Variants in BRINP1 observed in about 807,000 individuals in gnomAD.
The protein encoded by BRINP1 is BMP/retinoic acid-inducible neural-specific protein 1.
In BRINP1, 17 loss-of-function variants were observed where a neutral mutation model predicts 72.9. The ratio of observed to expected loss-of-function variants is 0.23; its 90% confidence interval spans 0.16 to 0.35. BRINP1 has a LOEUF of 0.35. Ranked by LOEUF, BRINP1 falls within the 10% of genes least tolerant of loss-of-function variation. The pLI is 1.00. For synonymous variants in BRINP1, 418 were observed against 378.5 expected, an observed-to-expected ratio of 1.10 and a Z score of -1.21; for missense variants, 850 against 1,001.6, an observed-to-expected ratio of 0.85 and a Z score of 2.04.
intron 2 of BRINP1, among the ~76,000 whole-genome samples, chr9:119,258,919 A>T (rs890850225): frequency 3.9e-5 from 6 of 152,188 alleles, no homozygotes; most frequent in Non-Finnish European, 8.8e-5. Flanking sequence ...ACAGAAATTC[A>T]GGTTCTGTTA....
Position 119,349,814 on chromosome 9 carries a change from C to T in BRINP1, c.-51+19242G>A, listed in dbSNP as rs535905967. On this transcript the variant is annotated intron_variant, in intron 1 of 7. Transcript: ENST00000265922. ...AGGGGAAAACACGTAGGCAGGAAAA[C>T]CTGGATTCAGATCCGAGCTCTGTTC... Among the ~76,000 whole-genome samples, 10 of 152,308 alleles carry T rather than the reference C, an allele frequency of 6.6e-5. No homozygotes were observed. The South Asian group carries it at 1.9e-3, about 28-fold the overall frequency.
intron 2 of BRINP1, among the ~76,000 whole-genome samples, chr9:119,289,672 G>A (rs528862288): frequency 2.6e-5 from 4 of 152,160 alleles, no homozygotes; most frequent in African/African-American, 9.7e-5. Context: ...AGCTACCACA[G>A]ATAGCATTTT....
chr9:119,275,783 T>C (rs749072196), intron 2 of BRINP1, among the ~76,000 whole-genome samples: 133 of 152,300 alleles, frequency 8.7e-4, no homozygotes, highest in Non-Finnish European at 1.5e-3. Context: ...CATGCTCTAC[T>C]AATGGCTCAT....
At chr9:119,254,827 T>A (rs1309419237) in intron 2 of BRINP1, among the ~76,000 whole-genome samples, 1 of 152,176 alleles carries the variant, frequency 6.6e-6, no homozygotes, top group Non-Finnish European at 1.5e-5. Context: ...TGTGCTCCAA[T>A]AAAACTTTAT....
At chr9:119,227,907 G>T (rs1339467444) in intron 5 of BRINP1, among the ~76,000 whole-genome samples, 1 of 152,066 alleles carries the variant, frequency 6.6e-6, no homozygotes, top group East Asian at 1.9e-4. Context: ...ATGGATAAAT[G>T]GGCTAGTGGT....
At chr9:119,266,273 T>C (rs1172776630) in intron 2 of BRINP1, among the ~76,000 whole-genome samples, 1 of 152,010 alleles carries the variant, frequency 6.6e-6, no homozygotes, top group Non-Finnish European at 1.5e-5. Context: ...ACGCAGAATG[T>C]TTGAAAACTA....
At chr9:119,270,879 TAGAG>T (rs1191573139) in intron 2 of BRINP1, among the ~76,000 whole-genome samples, 1 of 152,202 alleles carries the variant, frequency 6.6e-6, no homozygotes, top group African/African-American at 2.4e-5. Flanking sequence ...GAATCTGAAC[TAGAG>T]ACTGGTGTTG....
At chr9:119,182,470 A>C (rs1374671876) in intron 7 of BRINP1, among the ~76,000 whole-genome samples, 1 of 152,162 alleles carries the variant, frequency 6.6e-6, no homozygotes. Flanking sequence ...CCCTCCCCCA[A>C]ATTTGTATGT....
intron 2 of BRINP1, among the ~76,000 whole-genome samples, chr9:119,312,690 C>T (rs1186306312): frequency 6.6e-6 from 1 of 152,170 alleles, no homozygotes; most frequent in Non-Finnish European, 1.5e-5. Flanking sequence ...AACAACGTTA[C>T]TTATACTTGA....
At chr9:119,171,308 C>T (rs1159970574) in intron 7 of BRINP1, among the ~76,000 whole-genome samples, 1 of 133,560 alleles carries the variant, frequency 7.5e-6, no homozygotes, top group East Asian at 2.3e-4. Context: ...AAATGGAAAA[C>T]AAAAAAAGGC....
intron 1 of BRINP1, among the ~76,000 whole-genome samples, chr9:119,366,588 G>A (rs1831695396): frequency 6.9e-6 from 1 of 145,734 alleles, no homozygotes; most frequent in Non-Finnish European, 1.5e-5. Context: ...TTGAGGCATT[G>A]GATCTTTTCT....
chr9:119,201,505 A>G lies in BRINP1; in HGVS notation c.1145+7214T>C, dbSNP rs143759264. On this transcript the variant is annotated intron_variant, in intron 7 of 7. Coordinates refer to ENST00000265922, the MANE Select transcript of BRINP1 (RefSeq NM_014618.3). The stretch of plus-strand genomic sequence containing the variant: ...ATTTTAATTCAGAATTTCCACAAAG[A>G]AAACCGCTAAAGAGCTGCTCTCGTT... Among the ~76,000 whole-genome samples the G allele has an allele frequency of 3.3e-5, 5 of 152,320 alleles. No individual in the cohort carries two copies. The East Asian group carries it at 7.7e-4, about 24-fold the overall frequency.
intron 2 of BRINP1, among the ~76,000 whole-genome samples, chr9:119,255,909 C>A (rs10733639): frequency 7.0e-6 from 1 of 143,326 alleles, no homozygotes; most frequent in African/African-American, 2.7e-5. Context: ...GAGCCGGGAT[C>A]GAGCCACTGC....
chr9:119,280,028 G>GA (rs200640191), intron 2 of BRINP1, among the ~76,000 whole-genome samples: 1,821 of 151,496 alleles, frequency 0.012, 30 homozygotes, highest in African/African-American at 0.041. Context: ...GTTATAATTT[G>GA]AAAAAAAATG....
chr9:119,242,712 G>A (rs926371750), intron 3 of BRINP1, among the ~76,000 whole-genome samples: 4 of 151,916 alleles, frequency 2.6e-5, no homozygotes, highest in African/African-American at 4.8e-5. Flanking sequence ...ATAAATGAAC[G>A]GTGGATAGCT....
chr9:119,248,830 A>G (rs1351506072), intron 3 of BRINP1, 130 bp downstream of exon 3: 3 of 799,664 alleles, frequency 3.8e-6, no homozygotes, highest in African/African-American at 3.5e-5. Context: ...TTACCTGGCT[A>G]TAAATGCTTT....
intron 2 of BRINP1, among the ~76,000 whole-genome samples, chr9:119,281,704 C>T (rs1357906546): frequency 6.6e-6 from 1 of 152,110 alleles, no homozygotes; most frequent in South Asian, 2.1e-4. Context: ...AGCATTTATG[C>T]ATATAGACAT....
chr9:119,213,749 T>C (rs552326226), intron 6 of BRINP1, 170 bp downstream of exon 6: 9 of 670,808 alleles, frequency 1.3e-5, no homozygotes, highest in Admixed American at 4.6e-5. Context: ...TTGAGATTTA[T>C]TGAGTGCCTG....
At chr9:119,195,986 C>T (rs1271000823) in intron 7 of BRINP1, among the ~76,000 whole-genome samples, 1 of 152,102 alleles carries the variant, frequency 6.6e-6, no homozygotes, top group African/African-American at 2.4e-5. Flanking sequence ...AAAACTTGAC[C>T]TCTTCTTTAT....
Sources: gnomAD v4.1 joint callset for allele counts (sites outside exome capture counted in the v4.1 genomes callset) on GRCh38, gnomAD v4.1.1 for gene constraint, MANE v1.5 for transcripts, NCBI Gene and HGNC (gene_info 2026-07-23, HGNC 2026-07-21) for gene names.